The following PTPRG variants were observed in gnomAD, a reference collection of about 807,000 sequenced individuals.
PTPRG encodes the protein receptor-type tyrosine-protein phosphatase gamma.
In PTPRG, 102 loss-of-function variants were observed where a neutral mutation model predicts 165.3. The observed-to-expected ratio is 0.62, with a 90% CI of 0.53 to 0.73. The LOEUF is 0.73. Among genes scored for constraint, PTPRG ranks in the 30% least tolerant of loss-of-function variants. The probability of loss-of-function intolerance (pLI) is 0.00; values close to 1 mark genes in which losing one functional copy is unlikely to be tolerated. For synonymous variants in PTPRG, 675 were observed against 669.5 expected (o/e 1.01, Z -0.13); for missense variants, 1,866 against 1,861.4 (o/e 1.00, Z -0.05).
intron 1 of PTPRG, among the ~76,000 whole-genome samples, chr3:61,701,990 AT>A (rs1361398190): frequency 2.0e-5 from 3 of 151,658 alleles, no homozygotes; most frequent in Non-Finnish European, 2.9e-5. Flanking sequence ...TCTTTTCTTT[AT>A]TTTTTGAGAC....
intron 5 of PTPRG, among the ~76,000 whole-genome samples, chr3:62,102,108 G>C (rs529716378): frequency 2.7e-4 from 41 of 152,178 alleles, no homozygotes; most frequent in Non-Finnish European, 5.1e-4. Flanking sequence ...CAGGATAGAG[G>C]CTCATTGTGT....
At chr3:61,567,737 C>G (rs1699951491) in intron 1 of PTPRG, among the ~76,000 whole-genome samples, 1 of 149,266 alleles carries the variant, frequency 6.7e-6, no homozygotes, top group East Asian at 2.0e-4. Flanking sequence ...CATCTCAGCA[C>G]TTTGGGAGAC....
chr3:61,699,672 G>C (rs950635018), intron 1 of PTPRG, among the ~76,000 whole-genome samples: 1 of 152,122 alleles, frequency 6.6e-6, no homozygotes, highest in South Asian at 2.1e-4. Context: ...TTTATTTTCT[G>C]AAATGATTGT....
intron 2 of PTPRG, among the ~76,000 whole-genome samples, chr3:61,839,958 T>A (rs1231515797): frequency 6.6e-6 from 1 of 152,196 alleles, no homozygotes; most frequent in Non-Finnish European, 1.5e-5. Flanking sequence ...ACTATTTCTT[T>A]TTCCTCCAAA....
At chr3:62,063,693 T>C (rs1294493453) in intron 4 of PTPRG, among the ~76,000 whole-genome samples, 2 of 152,182 alleles carry the variant, frequency 1.3e-5, no homozygotes, top group South Asian at 2.1e-4. Flanking sequence ...TGTAGAGAAC[T>C]AGTATCGCTA....
At chr3:61,807,599 A>G (rs1288966973) in intron 2 of PTPRG, among the ~76,000 whole-genome samples, 1 of 152,212 alleles carries the variant, frequency 6.6e-6, no homozygotes, top group East Asian at 1.9e-4. Flanking sequence ...GCTGATAATG[A>G]TTCAAGTTGT....
rs574841339 is a variant in PTPRG at position 62,283,596 on chromosome 3, T to C, written c.4055+727T>C. On this transcript the variant is annotated intron_variant, in intron 28 of 29. Coordinates refer to ENST00000474889, the MANE Select transcript of PTPRG (RefSeq NM_002841.4). ...CCTTTAGCCAATATGGAATCAATTA[T>C]ACATTCCCATTTTTATTTCAGTTCC... 3.3e-5 allele frequency among the ~76,000 whole-genome samples: 5 copies of C among 152,310 alleles called. No homozygotes were observed. The East Asian group carries it at 5.8e-4, about 18-fold the overall frequency.
At chr3:61,734,015 C>G (rs1288163578) in intron 1 of PTPRG, among the ~76,000 whole-genome samples, 2 of 152,148 alleles carry the variant, frequency 1.3e-5, no homozygotes, top group African/African-American at 4.8e-5. Context: ...AAGCTGAGCT[C>G]AAGTGATCCG....
At chr3:62,011,748 T>C (rs1476719017) in intron 4 of PTPRG, among the ~76,000 whole-genome samples, 1 of 152,182 alleles carries the variant, frequency 6.6e-6, no homozygotes, top group Non-Finnish European at 1.5e-5. Flanking sequence ...TGCCTGGTTG[T>C]GCAAAGCAAG....
chr3:61,898,194 C>G (rs1221820367), intron 2 of PTPRG, among the ~76,000 whole-genome samples: 5 of 152,136 alleles, frequency 3.3e-5, no homozygotes, highest in African/African-American at 1.2e-4. Flanking sequence ...CGTTACAAAT[C>G]TCTCTGTAGG....
intron 2 of PTPRG, among the ~76,000 whole-genome samples, chr3:61,919,575 T>G (rs531088014): frequency 6.6e-6 from 1 of 152,290 alleles, no homozygotes; most frequent in Non-Finnish European, 1.5e-5. Flanking sequence ...TAGGGGTCAC[T>G]GGTCCATTTG....
At chr3:61,684,907 C>T (rs1703571764) in intron 1 of PTPRG, among the ~76,000 whole-genome samples, 2 of 152,086 alleles carry the variant, frequency 1.3e-5, no homozygotes, top group South Asian at 2.1e-4. Flanking sequence ...ACCAGAGACA[C>T]CTCTGTGTGA....
chr3:62,197,665 G>C (rs1490868718), intron 10 of PTPRG, among the ~76,000 whole-genome samples: 1 of 152,128 alleles, frequency 6.6e-6, no homozygotes, highest in Non-Finnish European at 1.5e-5. Context: ...CATGATTAAG[G>C]CCTCCTATGT....
At position 61,562,258 on chromosome 3, in the gene PTPRG, C is replaced by A. The variant is rs369741118; in HGVS notation, c.-30C>A. ...CTTATTCAACAAGTTTACCTCCCTG[C>A]TTTCCTCTTTTCGATGTGCGTTTTC... is the stretch of plus-strand genomic sequence containing the variant. On this transcript the variant is annotated 5_prime_UTR_variant, in exon 1 of 30. Coordinates refer to ENST00000474889, the MANE Select transcript of PTPRG (RefSeq NM_002841.4). 6.2e-7 allele frequency: 1 copy of A among 1,601,584 alleles called. No homozygotes were observed. The highest frequency in any genetic ancestry group is 8.6e-7 in the Non-Finnish European group (1 of 1,168,740).
intron 13 of PTPRG, among the ~76,000 whole-genome samples, chr3:62,227,271 C>T (rs1700784511): frequency 1.3e-5 from 2 of 152,202 alleles, no homozygotes; most frequent in African/African-American, 4.8e-5. Context: ...ACTTCCAGGT[C>T]TACTTGACGA....
intron 2 of PTPRG, among the ~76,000 whole-genome samples, chr3:61,846,881 C>T (rs1382439221): frequency 1.3e-5 from 2 of 152,130 alleles, no homozygotes; most frequent in Non-Finnish European, 2.9e-5. Context: ...CACCACTGCA[C>T]TCCAGTCTGG....
chr3:62,037,637 C>G (rs569964140), intron 4 of PTPRG, among the ~76,000 whole-genome samples: 35 of 152,316 alleles, frequency 2.3e-4, no homozygotes, highest in South Asian at 8.3e-4. Flanking sequence ...CATCTAGGAA[C>G]TGTTTGGCTG....
At chr3:61,679,911 T>C (rs1459604897) in intron 1 of PTPRG, among the ~76,000 whole-genome samples, 1 of 152,102 alleles carries the variant, frequency 6.6e-6, no homozygotes, top group Non-Finnish European at 1.5e-5. Flanking sequence ...GAAGTAAAAA[T>C]CTTGACACCT....
intron 4 of PTPRG, among the ~76,000 whole-genome samples, chr3:62,058,167 G>A (rs1042214794): frequency 6.6e-6 from 1 of 152,152 alleles, no homozygotes; most frequent in Non-Finnish European, 1.5e-5. Flanking sequence ...AATTCAGAAA[G>A]CAGGACGGAA....
Sources: gnomAD v4.1 joint callset for allele counts (sites outside exome capture counted in the v4.1 genomes callset) on GRCh38, gnomAD v4.1.1 for gene constraint, MANE v1.5 for transcripts, NCBI Gene and HGNC (gene_info 2026-07-23, HGNC 2026-07-21) for gene names.